Variants in PLIN2 observed in about 807,000 individuals in gnomAD.
PLIN2 encodes the protein perilipin-2.
PLIN2 carries 33 observed loss-of-function variants against 30.6 expected under a neutral mutation model. The ratio of observed to expected loss-of-function variants is 1.08; its 90% CI spans 0.82 to 1.44. The LOEUF is 1.44. Ranked by LOEUF, PLIN2 falls within the 40% of genes most tolerant of loss-of-function variation. The pLI is 0.00. For synonymous variants in PLIN2, 205 were observed against 201.1 expected (o/e 1.02, Z -0.16); for missense variants, 610 against 531.8 (o/e 1.15, Z -1.45).
In PLIN2 at chr9:19,119,845, T is replaced by G; in HGVS notation, c.596-14A>C. On this transcript the variant is annotated splice_polypyrimidine_tract_variant and intron_variant, in intron 5 of 7. Transcript: ENST00000276914. ...TTGCTTCTTTTTCTGAAGTTAGAAA[T>G]AAGAGACAAAAAAACTTAAGGGATC... 1 of 1,543,202 alleles carries G rather than the reference T, an allele frequency of 6.5e-7. No individual in the cohort carries two copies. The highest frequency in any genetic ancestry group is 8.8e-7 in the Non-Finnish European group (1 of 1,135,058).
chr9:19,117,618 T>A (rs1818248741), intron 7 of PLIN2, among the ~76,000 whole-genome samples: 1 of 151,690 alleles, frequency 6.6e-6, no homozygotes, highest in Non-Finnish European at 1.5e-5. Context: ...TCCCATATGT[T>A]TTCTTTTTTT....
chr9:19,127,029 G>A lies in PLIN2; in HGVS notation c.-23+390C>T, dbSNP rs1408724411. On this transcript the variant is annotated intron_variant, in intron 1 of 7. Transcript: ENST00000276914. The surrounding 1 kb of genome is among the most constrained non-coding windows in gnomAD (Gnocchi z 4.3). ...TGCACTCCAGCCTGGGCGACAGAGC[G>A]AGACTCCGTCAAAAAAAAAATGCGG... Among the ~76,000 whole-genome samples, 3 of 149,980 alleles carry A rather than the reference G, an allele frequency of 2.0e-5. No homozygotes were observed. Among genetic ancestry groups the A allele is most frequent in the African/African-American group, 7.5e-5 (3 of 39,828 alleles).
chr9:19,111,833 C>T (rs1818163027), downstream of PLIN2, among the ~76,000 whole-genome samples: 1 of 152,072 alleles, frequency 6.6e-6, no homozygotes, highest in Non-Finnish European at 1.5e-5. Flanking sequence ...CTCCTGGGCT[C>T]AAGCAATCTT....
At chr9:19,126,481 G>T (rs564899921) in intron 1 of PLIN2, 33 bp from the exon 2 acceptor site, 2 of 1,334,414 alleles carry the variant, frequency 1.5e-6, no homozygotes, top group Non-Finnish European at 1.1e-6. Flanking sequence ...AGAACACCGG[G>T]ATAAGACTCT....
intron 4 of PLIN2, among the ~76,000 whole-genome samples, chr9:19,122,037 A>G (rs960142373): frequency 2.1e-5 from 3 of 142,458 alleles, no homozygotes; most frequent in Non-Finnish European, 4.5e-5. Flanking sequence ...TGAACCCAGG[A>G]GGAAGAGACA....
chr9:19,114,094 T>C (rs1818190741), downstream of PLIN2, among the ~76,000 whole-genome samples: 2 of 152,060 alleles, frequency 1.3e-5, no homozygotes, highest in South Asian at 2.1e-4. Context: ...TTTATGTTTT[T>C]AGTAGAGACT....
intron 3 of PLIN2, chr9:19,125,476 C>G (rs7022748): frequency 0.059 from 9,019 of 152,140 alleles, 291 homozygotes; most frequent in East Asian, 0.1. Context: ...CACCTGAGCC[C>G]GAGAGGCAGA....
chr9:19,113,579 C>CTTT (rs371242536), downstream of PLIN2, among the ~76,000 whole-genome samples: 26 of 137,300 alleles, frequency 1.9e-4, no homozygotes, highest in African/African-American at 6.7e-4. Context: ...TTGATAAAAA[C>CTTT]TTTTTTTTTT....
chr9:19,111,337 C>A (rs562221471), downstream of PLIN2, among the ~76,000 whole-genome samples: 13 of 152,156 alleles, frequency 8.5e-5, no homozygotes, highest in African/African-American at 3.1e-4. Flanking sequence ...CATGAGCCAC[C>A]GCACCTGGGC....
rs151111515 is a variant in PLIN2, at chr9:19,122,429, TAGTC to T, written c.309+1132_309+1135del. 2.4e-3 allele frequency among the ~76,000 whole-genome samples: 365 copies of T among 152,098 alleles called. 11 individuals carry two copies. In the East Asian group the frequency reaches 0.063, roughly 26 times the overall value. ...ACGAATACTTATCATTGTGTTACAG[TAGTC>T]AGTGTAGTCATGCTGTGCAGGTTTG... On this transcript the variant is annotated intron_variant, in intron 4 of 7. Transcript: ENST00000276914.
chr9:19,109,020 A>G (rs1818125846), intron 2 of PLIN2, among the ~76,000 whole-genome samples: 1 of 152,174 alleles, frequency 6.6e-6, no homozygotes, highest in Admixed American at 6.6e-5. Context: ...TTTGTTATTC[A>G]ACTATTAATC....
rs1588649385 is a variant in PLIN2 at position 19,126,744 on chromosome 9, AC to A, written c.-22-297del. ...CTCTTGTTTCTCCGAGTATCTGTTA[AC>A]AAAAATGCTAGCCAAGCCGGACGCG... is the stretch of plus-strand genomic sequence containing the variant. On this transcript the variant is annotated intron_variant, in intron 1 of 7. Transcript: ENST00000276914. 2.0e-5 allele frequency among the ~76,000 whole-genome samples: 3 copies of A among 152,292 alleles called. No homozygotes were observed. In the East Asian group the frequency reaches 5.8e-4, roughly 29 times the overall value.
chr9:19,114,823 C>G (rs1197707822), downstream of PLIN2, among the ~76,000 whole-genome samples: 1 of 152,168 alleles, frequency 6.6e-6, no homozygotes. Context: ...AGTCTGGATA[C>G]CATAGGCAGG....
intron 7 of PLIN2, among the ~76,000 whole-genome samples, chr9:19,117,312 C>G (rs1818243979): frequency 1.3e-5 from 2 of 152,058 alleles, no homozygotes; most frequent in Non-Finnish European, 2.9e-5. Context: ...AGGTGCACAC[C>G]ACCACACCCT....
At chr9:19,121,193 C>G in intron 4 of PLIN2, 28 bp from the exon 5 acceptor site, 1 of 1,608,358 alleles carries the variant, frequency 6.2e-7, no homozygotes. Context: ...GATCCCCTGG[C>G]TGGTGAGAAA....
downstream of PLIN2, among the ~76,000 whole-genome samples, chr9:19,111,405 C>A (rs1482548351): frequency 6.6e-6 from 1 of 152,140 alleles, no homozygotes; most frequent in South Asian, 2.1e-4. Context: ...TCAAATTCAA[C>A]GAAGTATAGG....
chr9:19,126,571 C>T (rs1588649275), intron 1 of PLIN2, 123 bp from the exon 2 acceptor site: 1 of 648,286 alleles, frequency 1.5e-6, no homozygotes, highest in East Asian at 2.7e-5. Flanking sequence ...TAGTCTTCTG[C>T]ACTTCTTTCC....
chr9:19,119,421 A>G (rs560050539), intron 6 of PLIN2, among the ~76,000 whole-genome samples: 1 of 152,232 alleles, frequency 6.6e-6, no homozygotes, highest in Non-Finnish European at 1.5e-5. Flanking sequence ...TGGCAGGACA[A>G]GAGAGATGTC....
Position 19,118,459 on chromosome 9 carries a change from G to A in PLIN2, c.778-4C>T. The stretch of plus-strand genomic sequence containing the variant: ...CATTCTTCCTGGCAAATTCAATCTA[G>A]ACACATTGAAACAAGACAAAGGAAC... On this transcript the variant is annotated splice_region_variant and splice_polypyrimidine_tract_variant and intron_variant, in intron 6 of 7. Transcript: ENST00000276914. The A allele has an allele frequency of 6.2e-7, 1 of 1,611,734 alleles. No homozygotes were observed. The highest frequency in any genetic ancestry group is 8.5e-7 in the Non-Finnish European group (1 of 1,179,374).
Sources: allele counts gnomAD v4.1 joint callset (sites outside exome capture counted in the v4.1 genomes callset), GRCh38; gene constraint gnomAD v4.1.1; non-coding constraint Gnocchi (gnomAD v3.1); transcripts MANE v1.5; gene names NCBI Gene and HGNC (gene_info 2026-07-23, HGNC 2026-07-21).